The following SSH2 variants were observed in gnomAD, a reference collection of about 807,000 sequenced individuals.
The protein encoded by SSH2 is protein phosphatase Slingshot homolog 2.
A neutral mutation model predicts 135.2 loss-of-function variants in SSH2; 37 were observed. That is an observed-to-expected ratio of 0.27 (90% confidence interval 0.21 to 0.36). The LOEUF (loss-of-function observed/expected upper bound fraction) is 0.36. Among genes scored for constraint, SSH2 ranks in the 10% least tolerant of loss-of-function variants. The pLI, the probability that SSH2 is intolerant of heterozygous loss-of-function variation, is 1.00. For missense variants in SSH2, 1,408 were observed against 1,765.3 expected, an observed-to-expected ratio of 0.80 and a Z score of 3.63; for synonymous variants, 628 against 646.2, an observed-to-expected ratio of 0.97 and a Z score of 0.43.
intron 3 of SSH2, among the ~76,000 whole-genome samples, chr17:29,760,895 C>T (rs2151253608): frequency 6.6e-6 from 1 of 152,190 alleles, no homozygotes; most frequent in Middle Eastern, 3.4e-3. Flanking sequence ...TTTCAAAGTC[C>T]CTCAAAGTTA....
chr17:29,724,528 CAAA>C (rs1174810786), intron 3 of SSH2, among the ~76,000 whole-genome samples: 2 of 60,594 alleles, frequency 3.3e-5, no homozygotes, highest in Non-Finnish European at 5.7e-5. Context: ...AACTCTGTCT[CAAA>C]AAAAAAAAAA....
intron 3 of SSH2, among the ~76,000 whole-genome samples, chr17:29,720,273 T>C (rs2039775646): frequency 6.6e-6 from 1 of 152,192 alleles, no homozygotes; most frequent in Non-Finnish European, 1.5e-5. Context: ...GTCAGTTCAG[T>C]GCTACTTTAT....
chr17:29,913,124 C>T (rs1043528498), intron 1 of SSH2, among the ~76,000 whole-genome samples: 6 of 149,994 alleles, frequency 4.0e-5, no homozygotes, highest in Admixed American at 3.4e-4. Flanking sequence ...TTGAGACCAG[C>T]CTGGCCAACA....
intron 1 of SSH2, chr17:29,925,517 A>G: frequency 2.5e-6 from 1 of 398,604 alleles, no homozygotes; most frequent in Non-Finnish European, 4.4e-6. Flanking sequence ...CGAGTTCAAG[A>G]CCAGCCTGGG....
rs901525637 is a variant in SSH2, at chr17:29,703,427, T to G, written c.189-365A>C. ...ACCACACCCAGCTAATTTTTGAATA[T>G]TAGTAGAGAGTGTTTCACTATGTAG... On this transcript the variant is annotated intron_variant, in intron 3 of 15. Coordinates refer to ENST00000540801, the MANE Select transcript of SSH2 (RefSeq NM_001282129.2). Among the ~76,000 whole-genome samples the G allele has an allele frequency of 2.0e-5, 3 of 151,614 alleles. No individual in the cohort carries two copies. The East Asian group carries it at 5.8e-4, about 29-fold the overall frequency.
chr17:29,653,892 T>C (rs557801394), intron 12 of SSH2, among the ~76,000 whole-genome samples: 3 of 152,246 alleles, frequency 2.0e-5, no homozygotes, highest in Admixed American at 2.0e-4. Context: ...CTGGCCAGAA[T>C]TACAGAATTT....
intron 3 of SSH2, among the ~76,000 whole-genome samples, chr17:29,757,088 C>A (rs886152117): frequency 3.3e-5 from 5 of 152,174 alleles, no homozygotes; most frequent in Middle Eastern, 3.2e-3. Context: ...AAGGTACTCC[C>A]TCCCCCAAAT....
intron 2 of SSH2, among the ~76,000 whole-genome samples, chr17:29,825,757 A>G (rs2151352051): frequency 6.6e-6 from 1 of 152,274 alleles, no homozygotes; most frequent in South Asian, 2.1e-4. Context: ...ACATAAGAGG[A>G]ATTGTTATGG....
chr17:29,740,107 T>C (rs1466349760), intron 3 of SSH2, among the ~76,000 whole-genome samples: 1 of 152,210 alleles, frequency 6.6e-6, no homozygotes, highest in Non-Finnish European at 1.5e-5. Context: ...TCCTTATCAG[T>C]CACCTTTGGT....
At chr17:29,759,105 G>T (rs1428692903) in intron 3 of SSH2, among the ~76,000 whole-genome samples, 1 of 151,968 alleles carries the variant, frequency 6.6e-6, no homozygotes, top group African/African-American at 2.4e-5. Context: ...GCTGGAGTGT[G>T]GTGGCATGAT....
intron 1 of SSH2, among the ~76,000 whole-genome samples, chr17:29,886,336 G>A (rs2066236832): frequency 6.6e-6 from 1 of 152,150 alleles, no homozygotes; most frequent in Non-Finnish European, 1.5e-5. Context: ...AGAGACTGGT[G>A]GCATTTTGCC....
intron 3 of SSH2, among the ~76,000 whole-genome samples, chr17:29,758,770 G>A (rs1161562127): frequency 6.6e-6 from 1 of 151,942 alleles, no homozygotes; most frequent in East Asian, 1.9e-4. Context: ...ATTTAAAGAG[G>A]CAGGGTCTTG....
intron 1 of SSH2, among the ~76,000 whole-genome samples, chr17:29,918,162 G>A (rs1314051655): frequency 6.6e-6 from 1 of 152,124 alleles, no homozygotes; most frequent in South Asian, 2.1e-4. Flanking sequence ...TTCCAGGCTG[G>A]GTGACAGATG....
chr17:29,903,713 G>T (rs2066602858), intron 1 of SSH2, among the ~76,000 whole-genome samples: 2 of 152,072 alleles, frequency 1.3e-5, no homozygotes. Context: ...TGAAGTACAA[G>T]ACACTCAATT....
chr17:29,666,516 C>T (rs2037283770), intron 11 of SSH2, among the ~76,000 whole-genome samples: 1 of 152,136 alleles, frequency 6.6e-6, no homozygotes, highest in African/African-American at 2.4e-5. Context: ...AACCCCGTCT[C>T]TACTAAAAAT....
chr17:29,680,085 A>C (rs1285584883), intron 6 of SSH2, among the ~76,000 whole-genome samples: 1 of 152,222 alleles, frequency 6.6e-6, no homozygotes, highest in African/African-American at 2.4e-5. Context: ...CAAATGTTGA[A>C]TATGAATCTG....
chr17:29,807,832 CT>C (rs58284055), intron 2 of SSH2, among the ~76,000 whole-genome samples: 206 of 94,390 alleles, frequency 2.2e-3, no homozygotes, highest in Middle Eastern at 6.4e-3. Context: ...GTTTTGATGG[CT>C]TTTTTTTTTT....
intron 5 of SSH2, among the ~76,000 whole-genome samples, chr17:29,685,878 C>T (rs1462880985): frequency 2.7e-5 from 4 of 146,066 alleles, no homozygotes; most frequent in Admixed American, 2.1e-4. Flanking sequence ...GACAGAGTTT[C>T]GCTCTTGTTG....
At chr17:29,640,311 C>A (rs1188469444) in intron 14 of SSH2, among the ~76,000 whole-genome samples, 1 of 152,052 alleles carries the variant, frequency 6.6e-6, no homozygotes, top group Non-Finnish European at 1.5e-5. Flanking sequence ...CTCCTGACCT[C>A]GTGATCCGCT....
Sources: allele counts gnomAD v4.1 joint callset (sites outside exome capture counted in the v4.1 genomes callset), GRCh38; gene constraint gnomAD v4.1.1; transcripts MANE v1.5; gene names NCBI Gene and HGNC (gene_info 2026-07-23, HGNC 2026-07-21).